The following ADGRV1 variants were observed in gnomAD, a reference collection of about 807,000 sequenced individuals.
ADGRV1 encodes G-protein coupled receptor 98.
Under a neutral mutation model 596.2 loss-of-function variants are expected in ADGRV1, and 359 were observed. That is an observed-to-expected ratio of 0.60 (90% CI 0.55 to 0.66). The LOEUF is 0.66. Ranked by LOEUF, ADGRV1 falls within the 30% of genes least tolerant of loss-of-function variation. The pLI, the probability that ADGRV1 is intolerant of heterozygous loss-of-function variation, is 0.00. For missense variants in ADGRV1, 7,274 were observed against 7,575.6 expected, an observed-to-expected ratio of 0.96 and a Z score of 1.48; for synonymous variants, 2,681 against 2,679.2, an observed-to-expected ratio of 1.00 and a Z score of -0.02.
chr5:90,709,377 G>T (rs1749035384), intron 39 of ADGRV1, among the ~76,000 whole-genome samples: 1 of 152,078 alleles, frequency 6.6e-6, no homozygotes, highest in Non-Finnish European at 1.5e-5. Flanking sequence ...ATTCATTACA[G>T]ACTGAAAGGT....
intron 85 of ADGRV1, among the ~76,000 whole-genome samples, chr5:91,040,313 A>G (rs1785234848): frequency 6.6e-6 from 1 of 152,154 alleles, no homozygotes; most frequent in African/African-American, 2.4e-5. Context: ...CTTCTCTGAG[A>G]TCTTTTAAAA....
chr5:90,948,870 T>C (rs1447341496), intron 83 of ADGRV1, among the ~76,000 whole-genome samples: 1 of 152,112 alleles, frequency 6.6e-6, no homozygotes, highest in Admixed American at 6.5e-5. Flanking sequence ...TGTATCACTT[T>C]TGCACCATCA....
At chr5:91,088,005 T>G (rs934587566) in intron 86 of ADGRV1, among the ~76,000 whole-genome samples, 6 of 152,214 alleles carry the variant, frequency 3.9e-5, no homozygotes, top group African/African-American at 1.4e-4. Flanking sequence ...TTCTTTTAAT[T>G]GAATTTGACA....
At position 90,653,216 on chromosome 5, in the gene ADGRV1, C is replaced by A; in HGVS notation, c.3642C>A (p.Ser1214=). ...FLKLVNISGG[S]PGPGGQLAET... ...TAAATTTTCTTGTTACAGGTGGATC[C>A]CCAGGTCCTGGGGGCCAGCTAGCAG... is the stretch of plus-strand genomic sequence containing the variant. Residue 1214 remains serine, a synonymous_variant, in exon 20 of 90, where the codon TCC becomes TCA. Transcript: ENST00000405460. 6.2e-7 allele frequency: 1 copy of A among 1,605,926 alleles called. No individual in the cohort carries two copies. The highest frequency in any genetic ancestry group is 8.5e-7 in the Non-Finnish European group (1 of 1,174,810).
intron 53 of ADGRV1, among the ~76,000 whole-genome samples, chr5:90,752,767 C>G (rs573187826): frequency 2.0e-5 from 3 of 152,304 alleles, no homozygotes; most frequent in African/African-American, 7.2e-5. Context: ...CATTGCAACA[C>G]TCTTCGCAAT....
Position 90,728,849 on chromosome 5 carries a change from G to T in ADGRV1, c.10342G>T (p.Val3448Leu). The change falls in exon 49 of 90, where the codon GTG becomes TTG. Residue 3448 changes from valine (V) to leucine (L), a missense_variant. Physicochemically the swap from Val to Leu is conservative, Grantham distance 32 (BLOSUM62 1). Around this residue, in one of 5 missense-constraint regions of ADGRV1, gnomAD observed 3,643 missense variants for 3,809.2 expected, o/e 0.96. Transcript: ENST00000405460. Reference protein sequence around the residue: ...SGSGFINFQEVPVSGTTEVEA... With the variant: ...SGSGFINFQELPVSGTTEVEA... ...CAGTGGGTTTATTAACTTTCAAGAG[G>T]TGCCTGTCAGTGGGACAACAGAAGT... 3 of 1,613,722 alleles carry T rather than the reference G, an allele frequency of 1.9e-6. No individual in the cohort carries two copies. The highest frequency in any genetic ancestry group is 1.1e-5 in the South Asian group (1 of 91,064).
At chr5:90,638,261 C>A (rs1206927106) in intron 11 of ADGRV1, among the ~76,000 whole-genome samples, 1 of 151,702 alleles carries the variant, frequency 6.6e-6, no homozygotes, top group Non-Finnish European at 1.5e-5. Flanking sequence ...AAAATAGGCA[C>A]CAGCAAATCT....
intron 11 of ADGRV1, among the ~76,000 whole-genome samples, chr5:90,639,852 G>A: frequency 6.6e-6 from 1 of 152,048 alleles, no homozygotes; most frequent in East Asian, 1.9e-4. Context: ...ATGAATGATA[G>A]CAAGCATGAT....
chr5:90,855,979 G>T, intron 82 of ADGRV1, 78 bp downstream of exon 82: 1 of 1,179,104 alleles, frequency 8.5e-7, no homozygotes, highest in East Asian at 2.4e-5. Context: ...ATCCTTTTAC[G>T]TATGCAAGAT....
At chr5:91,147,275 C>T (rs1359339350) in intron 87 of ADGRV1, among the ~76,000 whole-genome samples, 1 of 151,214 alleles carries the variant, frequency 6.6e-6, no homozygotes, top group Non-Finnish European at 1.5e-5. Context: ...TTGCCATGGT[C>T]TCTTGCTAGA....
At chr5:91,146,941 C>G (rs532303042) in intron 87 of ADGRV1, among the ~76,000 whole-genome samples, 1 of 152,258 alleles carries the variant, frequency 6.6e-6, no homozygotes, top group Non-Finnish European at 1.5e-5. Context: ...GTGGGCATAT[C>G]TCTTGAGCTC....
At chr5:90,802,620 G>T in intron 70 of ADGRV1, 119 bp from the exon 71 acceptor site, 2 of 777,130 alleles carry the variant, frequency 2.6e-6, no homozygotes, top group Non-Finnish European at 4.2e-6. Flanking sequence ...AAAAGTGCAT[G>T]TATTGATGAA....
chr5:91,126,484 C>A, intron 87 of ADGRV1, among the ~76,000 whole-genome samples: 1 of 152,140 alleles, frequency 6.6e-6, no homozygotes, highest in African/African-American at 2.4e-5. Context: ...ACATGCTTTG[C>A]CTCAAATAAT....
At chr5:91,116,657 A>T (rs1026918281) in intron 87 of ADGRV1, among the ~76,000 whole-genome samples, 1 of 152,214 alleles carries the variant, frequency 6.6e-6, no homozygotes, top group African/African-American at 2.4e-5. Flanking sequence ...ATTTGTAAAT[A>T]AGACCTCAAT....
At position 90,643,012 on chromosome 5, in the gene ADGRV1, T is replaced by G. The variant is rs370265583; in HGVS notation, c.2524T>G (p.Leu842Val). 125 of 1,613,360 alleles carry G rather than the reference T, an allele frequency of 7.7e-5. No individual in the cohort carries two copies. The highest frequency in any genetic ancestry group is 1.0e-4 in the Admixed American group (6 of 59,982). ...TGGAGAAAGGGAGATAGTGATCACCTTGCTAGCAAGATTGGATGGGATACC... is the reference window on the plus strand; with the variant it reads ...TGGAGAAAGGGAGATAGTGATCACCGTGCTAGCAAGATTGGATGGGATACC... ...KPGEREIVIT[L>V]LARLDGIPEL... The change falls in exon 13 of 90, where the codon TTG becomes GTG. Residue 842 changes from leucine to valine, a missense_variant. Physicochemically the swap from Leu to Val is conservative, Grantham distance 32 (BLOSUM62 1). Around this residue, in one of 5 missense-constraint regions of ADGRV1, gnomAD observed 1,715 missense variants for 1,708.8 expected, o/e 1.00. Coordinates refer to ENST00000405460, the MANE Select transcript of ADGRV1 (RefSeq NM_032119.4).
At chr5:90,714,459 AT>A (rs1243792729) in intron 42 of ADGRV1, among the ~76,000 whole-genome samples, 1 of 151,908 alleles carries the variant, frequency 6.6e-6, no homozygotes. Context: ...TATTATAAAA[AT>A]TTTTTTAAAT....
intron 38 of ADGRV1, among the ~76,000 whole-genome samples, chr5:90,707,761 G>A (rs1748792410): frequency 1.3e-5 from 2 of 151,990 alleles, no homozygotes; most frequent in Non-Finnish European, 2.9e-5. Flanking sequence ...AGATTTTTTT[G>A]AACATTGGGT....
chr5:91,041,836 G>A (rs911997276), intron 85 of ADGRV1, among the ~76,000 whole-genome samples: 1 of 152,028 alleles, frequency 6.6e-6, no homozygotes, highest in African/African-American at 2.4e-5. Context: ...GACTCAATTG[G>A]TTGGCCATTT....
intron 1 of ADGRV1, among the ~76,000 whole-genome samples, chr5:90,569,388 T>TATATATATATATATATATA (rs1554048594): frequency 5.3e-5 from 1 of 18,828 alleles, no homozygotes; most frequent in African/African-American, 2.3e-4. Flanking sequence ...TATATATATA[T>TATATATATATATATATATA]TTTTTTTTTT....
Sources: allele counts gnomAD v4.1 joint callset (sites outside exome capture counted in the v4.1 genomes callset), GRCh38; gene constraint gnomAD v4.1.1; regional missense constraint gnomAD v4.1.1; transcripts MANE v1.5; gene names NCBI Gene and HGNC (gene_info 2026-07-23, HGNC 2026-07-21).